PCDHA11: variants seen among roughly 807,000 people sequenced by gnomAD.
PCDHA11 encodes protocadherin alpha 11.
In PCDHA11, 61 loss-of-function variants were observed where a neutral mutation model predicts 70.3. That is an observed-to-expected ratio of 0.87 (90% CI 0.71 to 1.07). The LOEUF (loss-of-function observed/expected upper bound fraction) is 1.07. PCDHA11 is among the 50% of genes least tolerant of loss of function. PCDHA11 has a pLI of 0.00. For missense variants in PCDHA11, 1,324 were observed against 1,237.5 expected (o/e 1.07, Z -1.05); for synonymous variants, 633 against 555.1 (o/e 1.14, Z -1.97).
intron 1 of PCDHA11, among the ~76,000 whole-genome samples, chr5:140,952,315 G>T (rs2094717881): frequency 6.8e-6 from 1 of 147,138 alleles, no homozygotes; most frequent in Non-Finnish European, 1.5e-5. Context: ...TCCAGCCTGG[G>T]CAACAAGAGT....
At chr5:140,987,982 C>T (rs781838400) in intron 3 of PCDHA11, among the ~76,000 whole-genome samples, 16 of 152,206 alleles carry the variant, frequency 1.1e-4, no homozygotes, top group Non-Finnish European at 1.5e-4. Flanking sequence ...TCCATGGAGA[C>T]TCCATCTCTG....
intron 1 of PCDHA11, among the ~76,000 whole-genome samples, chr5:140,922,635 C>G (rs1403011776): frequency 6.6e-6 from 1 of 152,118 alleles, no homozygotes; most frequent in Non-Finnish European, 1.5e-5. Context: ...ATAAGCCACT[C>G]CATCAAACAG....
At chr5:140,921,091 C>G (rs893367475) in intron 1 of PCDHA11, among the ~76,000 whole-genome samples, 1 of 152,022 alleles carries the variant, frequency 6.6e-6, no homozygotes, top group Admixed American at 6.5e-5. Flanking sequence ...GAGAATCCTC[C>G]TGCCTCAGTC....
At chr5:140,899,460 T>G (rs2153464035) in intron 1 of PCDHA11, among the ~76,000 whole-genome samples, 1 of 152,380 alleles carries the variant, frequency 6.6e-6, no homozygotes, top group East Asian at 1.9e-4. Context: ...ATGTGGTTTT[T>G]GTCTTTGGTT....
At chr5:140,969,037 C>A (rs1554231375) in intron 1 of PCDHA11, 6 of 1,614,158 alleles carry the variant, frequency 3.7e-6, no homozygotes, top group Non-Finnish European at 5.1e-6. Flanking sequence ...CAGAACTGTA[C>A]AAACAAGCCA....
At chr5:140,967,934 A>G (rs781977227) in intron 1 of PCDHA11, 4 of 1,614,172 alleles carry the variant, frequency 2.5e-6, no homozygotes, top group Non-Finnish European at 2.5e-6. Flanking sequence ...TCTCAGTGTC[A>G]ATGACCAAGA....
intron 1 of PCDHA11, chr5:140,966,657 G>A: frequency 1.7e-6 from 2 of 1,210,192 alleles, no homozygotes; most frequent in Admixed American, 3.9e-5. Context: ...TGAGCGGTGG[G>A]GGAGCAGGCG....
At chr5:140,928,077 C>T in intron 1 of PCDHA11, 1 of 1,614,230 alleles carries the variant, frequency 6.2e-7, no homozygotes, top group Non-Finnish European at 8.5e-7. Context: ...ACAACTACTA[C>T]AGCCTGCTGA....
In PCDHA11 at chr5:140,870,746, T is replaced by A; in HGVS notation, c.1643T>A (p.Val548Glu). 1 of 1,613,488 alleles carries A rather than the reference T, an allele frequency of 6.2e-7. No individual in the cohort carries two copies. Among genetic ancestry groups the A allele is most frequent in the South Asian group, 1.1e-5 (1 of 91,078 alleles). The change falls in exon 1 of 4, where the codon GTG becomes GAG. Residue 548 changes from valine (V) to glutamate (E), a missense_variant. By Grantham distance (121) the Val-to-Glu change is moderately radical. Coordinates refer to ENST00000398640, the MANE Select transcript of PCDHA11 (RefSeq NM_018902.5). ...GGCGTGCCGCCTCTGAGCAGCAACG[T>A]GACGCTGCAGGTGTTCGTGCTGGAC... ...DAGVPPLSSN[V>E]TLQVFVLDEN...
chr5:140,905,152 G>T (rs2071629879), intron 1 of PCDHA11, among the ~76,000 whole-genome samples: 1 of 152,154 alleles, frequency 6.6e-6, no homozygotes. Context: ...TTATATTTTA[G>T]AATTTTCATG....
At chr5:140,874,427 A>T (rs2054903457) in intron 1 of PCDHA11, among the ~76,000 whole-genome samples, 1 of 152,212 alleles carries the variant, frequency 6.6e-6, no homozygotes, top group African/African-American at 2.4e-5. Context: ...TTCTGAAGAG[A>T]AGCATGTCCT....
intron 3 of PCDHA11, among the ~76,000 whole-genome samples, chr5:140,998,540 T>TA (rs1304307081): frequency 6.6e-6 from 1 of 151,542 alleles, no homozygotes; most frequent in African/African-American, 2.4e-5. Context: ...CCCTAATTCC[T>TA]AATTTAATGT....
chr5:140,880,417 G>A (rs1202890717), intron 1 of PCDHA11, among the ~76,000 whole-genome samples: 15 of 152,250 alleles, frequency 9.9e-5, no homozygotes, highest in South Asian at 2.1e-4. Context: ...CCTTAAAAGC[G>A]GGAACAGTTT....
chr5:140,873,639 T>G (rs567970956), intron 1 of PCDHA11, among the ~76,000 whole-genome samples: 1 of 152,346 alleles, frequency 6.6e-6, no homozygotes, highest in African/African-American at 2.4e-5. Context: ...AAAGAGTATG[T>G]GAGAACTACA....
chr5:140,997,188 G>T (rs948891203), intron 3 of PCDHA11, among the ~76,000 whole-genome samples: 1 of 151,976 alleles, frequency 6.6e-6, no homozygotes, highest in African/African-American at 2.4e-5. Context: ...GACAATTGAT[G>T]AAACTATATT....
intron 1 of PCDHA11, among the ~76,000 whole-genome samples, chr5:140,949,788 G>C (rs2094421903): frequency 6.6e-6 from 1 of 151,684 alleles, no homozygotes; most frequent in Non-Finnish European, 1.5e-5. Context: ...GTTTAGATTT[G>C]TGTCCTTCAA....
chr5:140,877,409 G>C lies in PCDHA11; in HGVS notation c.2391+5915G>C, dbSNP rs782157769. The C allele has an allele frequency of 8.1e-6, 13 of 1,613,802 alleles. No homozygotes were observed. The highest frequency in any genetic ancestry group is 1.0e-5 in the Non-Finnish European group (12 of 1,179,880). Reference sequence around the variant, plus strand: ...GATGAGGCGGACGCTCCGCGCCACCGCCTGCTGGTGCTGGTGAAGGACCAC... The same window carrying C: ...GATGAGGCGGACGCTCCGCGCCACCCCCTGCTGGTGCTGGTGAAGGACCAC... On this transcript the variant is annotated intron_variant, in intron 1 of 3. Transcript: ENST00000398640.
intron 1 of PCDHA11, chr5:140,927,757 A>G (rs957906084): frequency 3.2e-5 from 51 of 1,614,028 alleles, no homozygotes; most frequent in Admixed American, 1.0e-4. Flanking sequence ...CGTGCACCCT[A>G]AAAGTGGGGA....
At chr5:140,902,313 C>T (rs2069368502) in intron 1 of PCDHA11, among the ~76,000 whole-genome samples, 1 of 150,820 alleles carries the variant, frequency 6.6e-6, no homozygotes, top group African/African-American at 2.4e-5. Context: ...GCTGGGATTA[C>T]AGGTGTAACT....
Sources: gnomAD v4.1 joint callset for allele counts (sites outside exome capture counted in the v4.1 genomes callset) on GRCh38, gnomAD v4.1.1 for gene constraint, MANE v1.5 for transcripts, NCBI Gene and HGNC (gene_info 2026-07-23, HGNC 2026-07-21) for gene names.